Variants in MACF1 observed in about 807,000 individuals in gnomAD.
MACF1 encodes the protein microtubule-actin cross-linking factor 1.
A neutral mutation model predicts 854.8 loss-of-function variants in MACF1; 193 were observed. The observed-to-expected ratio is 0.23, with a 90% confidence interval of 0.20 to 0.25. The LOEUF is 0.25. MACF1 is among the 10% of genes least tolerant of loss of function. The pLI, the probability that MACF1 is intolerant of heterozygous loss-of-function variation, is 1.00. For synonymous variants in MACF1, 3,185 were observed against 3,226.7 expected (o/e 0.99, Z 0.44); for missense variants, 7,722 against 8,929.1 (o/e 0.86, Z 5.45).
chr1:39,438,422 C>A (rs1644027203), intron 71 of MACF1, among the ~76,000 whole-genome samples: 1 of 152,202 alleles, frequency 6.6e-6, no homozygotes, highest in South Asian at 2.1e-4. Flanking sequence ...GATGATAGCT[C>A]ATTTCTGGAT....
rs1201268765 is a variant in MACF1, at chr1:39,357,527, T to C, written c.11577T>C (p.Ser3859=). The change falls in exon 45 of 101, where the codon TCT becomes TCC. Residue 3859 remains serine (S), a synonymous_variant. Coordinates refer to ENST00000564288, the MANE Select transcript of MACF1 (RefSeq NM_001394062.1). The stretch of plus-strand genomic sequence containing the variant: ...TGGGAGAGCTAAAGGAACAATACTC[T>C]ACTTCCCTGGCCCAATCAGAGGCAG... ...QKLGELKEQY[S]TSLAQSEAEL... is the part of the protein sequence containing the mutation. The C allele has an allele frequency of 1.9e-6, 3 of 1,614,024 alleles. No homozygotes were observed. In the African/African-American group the frequency reaches 4.0e-5, roughly 22 times the overall value.
At chr1:39,462,839 A>G (rs1644583013) in intron 93 of MACF1, among the ~76,000 whole-genome samples, 1 of 152,254 alleles carries the variant, frequency 6.6e-6, no homozygotes, top group Non-Finnish European at 1.5e-5. Flanking sequence ...AGTGCCATCT[A>G]GAAACCCTAA....
At chr1:39,401,918 T>C (rs1045778949) in intron 58 of MACF1, among the ~76,000 whole-genome samples, 1 of 152,088 alleles carries the variant, frequency 6.6e-6, no homozygotes, top group Non-Finnish European at 1.5e-5. Context: ...TTTTCTAATA[T>C]TGAGGAGCAG....
chr1:39,162,952 T>C (rs1458126945), intron 2 of MACF1, among the ~76,000 whole-genome samples: 1 of 152,158 alleles, frequency 6.6e-6, no homozygotes, highest in Non-Finnish European at 1.5e-5. Context: ...GTAGTCACCA[T>C]AGGAGGTTAA....
chr1:39,360,205 T>C (rs1569696685), intron 47 of MACF1, among the ~76,000 whole-genome samples: 1 of 151,000 alleles, frequency 6.6e-6, no homozygotes, highest in East Asian at 1.9e-4. Context: ...GTTAAATAGC[T>C]TAGCTTAGCC....
At chr1:39,147,083 C>T (rs935299685) in intron 2 of MACF1, among the ~76,000 whole-genome samples, 3 of 149,694 alleles carry the variant, frequency 2.0e-5, no homozygotes, top group Admixed American at 6.7e-5. Flanking sequence ...CTCTCTTCCT[C>T]TCCTCCTCCT....
rs1229622274 is a variant in MACF1 at position 39,439,610 on chromosome 1, GGTTTTTGTTTTT to G, written c.18447+123_18447+134del. 1.2e-5 allele frequency: 10 copies of G among 867,960 alleles called. No individual in the cohort carries two copies. In the Admixed American group the frequency reaches 1.4e-4, roughly 12 times the overall value. The allele number at this position is 867,960 out of a possible 1,614,324, so 53.8% of individuals were successfully genotyped here. A position where few individuals can be genotyped will look rare whatever the true frequency, so the allele number is the denominator to read the frequency against. On this transcript the variant is annotated intron_variant, in intron 72 of 100. Coordinates refer to ENST00000564288, the MANE Select transcript of MACF1 (RefSeq NM_001394062.1). The stretch of plus-strand genomic sequence containing the variant: ...GCTTAGCCAGGCTGAGTACCTTAAA[GGTTTTTGTTTTT>G]GTTTTTGTTTTTTGCTCTTGTCCCC...
At chr1:39,424,251 CT>C (rs1557647248) in intron 61 of MACF1, 57 bp downstream of exon 61, 1 of 1,440,576 alleles carries the variant, frequency 6.9e-7, no homozygotes, top group Non-Finnish European at 9.6e-7. Context: ...TCTTCTTCGA[CT>C]TATTATCACT....
chr1:39,417,818 T>A (rs1557643558), intron 58 of MACF1, among the ~76,000 whole-genome samples: 1 of 143,604 alleles, frequency 7.0e-6, no homozygotes, highest in Admixed American at 7.4e-5. Context: ...CCTCAGGTGA[T>A]CCGCCTGCCT....
intron 48 of MACF1, 90 bp from the exon 49 acceptor site, chr1:39,361,270 C>T (rs1185900631): frequency 3.9e-6 from 5 of 1,293,498 alleles, no homozygotes; most frequent in Non-Finnish European, 5.4e-6. Flanking sequence ...CTCCAGTCCC[C>T]CTTGTGAGAT....
At chr1:39,254,415 G>A in intron 5 of MACF1, 40 bp downstream of exon 5, 1 of 1,578,758 alleles carries the variant, frequency 6.3e-7, no homozygotes, top group Non-Finnish European at 8.7e-7. Flanking sequence ...TCCAGGCTGT[G>A]TTGGCATTGG....
At chr1:39,368,427 A>G (rs921964018) in intron 50 of MACF1, 113 bp downstream of exon 50, 8 of 1,104,406 alleles carry the variant, frequency 7.2e-6, no homozygotes, top group Non-Finnish European at 1.0e-5. Context: ...CTAAAATTCT[A>G]CTACTGAGTT....
Position 39,442,853 on chromosome 1 carries a change from A to G in MACF1, c.19244A>G (p.Glu6415Gly), listed in dbSNP as rs772552757. The G allele has an allele frequency of 4.3e-6, 7 of 1,614,050 alleles. No individual in the cohort carries two copies. The South Asian group carries it at 7.7e-5, about 18-fold the overall frequency. ...SRLEAMNQCW[E>G]SVLQKTEERE... ...TTGGAAGCCATGAACCAATGCTGGG[A>G]GTCAGTGTTACAGAAAACAGAGGAG... The change falls in exon 78 of 101, where the codon GAG becomes GGG. Residue 6415 changes from glutamate to glycine, a missense_variant. By Grantham distance (98) the Glu-to-Gly change is moderately conservative. This residue lies in a region of MACF1 where 729 missense variants were observed against 900.5 expected (regional missense o/e 0.81). Coordinates refer to ENST00000564288, the MANE Select transcript of MACF1 (RefSeq NM_001394062.1).
At chr1:39,412,739 A>C in intron 58 of MACF1, 1 of 1,613,690 alleles carries the variant, frequency 6.2e-7, no homozygotes, top group Non-Finnish European at 8.5e-7. Flanking sequence ...CCAGTTTTAG[A>C]GGAATGGATA....
At position 39,332,346 on chromosome 1, in the gene MACF1, A is replaced by C. The variant is rs902784369; in HGVS notation, c.5758A>C (p.Ile1920Leu). 3.7e-6 allele frequency: 6 copies of C among 1,614,002 alleles called. No individual in the cohort carries two copies. The highest frequency in any genetic ancestry group is 4.2e-6 in the Non-Finnish European group (5 of 1,180,032). The change falls in exon 37 of 101, where the codon ATT (isoleucine) becomes CTT (leucine). Residue 1920 changes from isoleucine to leucine, a missense_variant. By Grantham distance (5) the Ile-to-Leu change is conservative. Transcript: ENST00000564288. ...AGATCTTGCCAATAACTTAAAATCG[A>C]TTTGTATACCTGATGTGATGCCCCA... ...DRDLANNLKS[I>L]CIPDVMPHMQ...
intron 84 of MACF1, 114 bp from the exon 85 acceptor site, chr1:39,450,936 CAT>C: frequency 8.5e-7 from 1 of 1,182,392 alleles, no homozygotes; most frequent in South Asian, 1.4e-5. Flanking sequence ...ACTGTTCTAA[CAT>C]AGAAGTCACT....
At chr1:39,394,834 A>G (rs2148582767) in intron 58 of MACF1, among the ~76,000 whole-genome samples, 2 of 152,240 alleles carry the variant, frequency 1.3e-5, no homozygotes, top group Admixed American at 1.3e-4. Flanking sequence ...AGGAAATCAC[A>G]CTTGGTATGA....
intron 1 of MACF1, among the ~76,000 whole-genome samples, chr1:39,217,615 A>C (rs1476483853): frequency 6.6e-6 from 1 of 152,168 alleles, no homozygotes; most frequent in African/African-American, 2.4e-5. Context: ...GTGGTGGCTC[A>C]TGCCTATAAT....
chr1:39,435,350 C>T (rs1643951206), intron 69 of MACF1, among the ~76,000 whole-genome samples: 1 of 152,172 alleles, frequency 6.6e-6, no homozygotes, highest in Admixed American at 6.6e-5. Context: ...GACATCAGAA[C>T]TGACTTTCAA....
Sources: allele counts gnomAD v4.1 joint callset (sites outside exome capture counted in the v4.1 genomes callset), GRCh38; gene constraint gnomAD v4.1.1; regional missense constraint gnomAD v4.1.1; transcripts MANE v1.5; gene names NCBI Gene and HGNC (gene_info 2026-07-23, HGNC 2026-07-21).